Variants in LRP1B observed in about 807,000 individuals in gnomAD.
The protein encoded by LRP1B is LDL receptor related protein 1B.
Under a neutral mutation model 556.6 loss-of-function variants are expected in LRP1B, and 217 were observed. That is an observed-to-expected ratio of 0.39 (90% CI 0.35 to 0.44). The LOEUF is 0.44. Ranked by LOEUF, LRP1B falls within the 20% of genes least tolerant of loss-of-function variation. The probability of loss-of-function intolerance (pLI) is 1.00; values close to 1 mark genes in which losing one functional copy is unlikely to be tolerated. For synonymous variants in LRP1B, 2,047 were observed against 1,865.8 expected (o/e 1.10, Z -2.50); for missense variants, 5,053 against 5,620.8 (o/e 0.90, Z 3.23).
In LRP1B at chr2:140,541,039, G is replaced by C. The variant is rs2105016983; in HGVS notation, c.7447C>G (p.Pro2483Ala). ...GGCHDLCLLTPNGRVNCSCRG... is the reference protein window; with the variant it reads ...GGCHDLCLLTANGRVNCSCRG... ...CAGGAACAATTCACTCTCCCATTGGGAGTTAAAAGGCACAAGTCATGGCAG... is the reference window on the plus strand; with the variant it reads ...CAGGAACAATTCACTCTCCCATTGGCAGTTAAAAGGCACAAGTCATGGCAG... The change falls in exon 45 of 91, where the codon CCC (proline) becomes GCC (alanine). Residue 2483 changes from proline (P) to alanine (A), a missense_variant. Pro to Ala is a conservative substitution (Grantham distance 27). Coordinates refer to ENST00000389484, the MANE Select transcript of LRP1B (RefSeq NM_018557.3). 1 of 1,611,660 alleles carries C rather than the reference G, an allele frequency of 6.2e-7. No homozygotes were observed. Among genetic ancestry groups the C allele is most frequent in the Non-Finnish European group, 8.5e-7 (1 of 1,178,364 alleles).
intron 2 of LRP1B, among the ~76,000 whole-genome samples, chr2:141,525,222 T>C (rs1684656987): frequency 6.6e-6 from 1 of 152,038 alleles, no homozygotes; most frequent in South Asian, 2.1e-4. Context: ...GAGAGAAAGA[T>C]ATGGAAGTCT....
chr2:140,946,823 C>G (rs1594153), intron 20 of LRP1B, among the ~76,000 whole-genome samples: 1 of 151,980 alleles, frequency 6.6e-6, no homozygotes, highest in Non-Finnish European at 1.5e-5. Flanking sequence ...TACATGTATA[C>G]CATGGAATAC....
chr2:141,089,453 A>G (rs983671049), intron 7 of LRP1B, among the ~76,000 whole-genome samples: 1 of 152,222 alleles, frequency 6.6e-6, no homozygotes, highest in African/African-American at 2.4e-5. Flanking sequence ...ACTATTTTGG[A>G]TAGTATCTGA....
chr2:140,826,184 A>C (rs1246078651), intron 31 of LRP1B, among the ~76,000 whole-genome samples: 3 of 152,182 alleles, frequency 2.0e-5, no homozygotes, highest in Non-Finnish European at 4.4e-5. Context: ...AAAATTTTGC[A>C]ACAAATAACA....
At chr2:142,015,318 T>C (rs1356345316) in intron 1 of LRP1B, among the ~76,000 whole-genome samples, 4 of 152,176 alleles carry the variant, frequency 2.6e-5, no homozygotes, top group African/African-American at 7.2e-5. Flanking sequence ...TGGCTAGCGA[T>C]ATGCAGAAAA....
chr2:141,851,554 A>T (rs751518672), intron 1 of LRP1B, among the ~76,000 whole-genome samples: 3 of 151,878 alleles, frequency 2.0e-5, no homozygotes, highest in Non-Finnish European at 4.4e-5. Flanking sequence ...AAAATGCATT[A>T]GCAATGCAAA....
intron 41 of LRP1B, among the ~76,000 whole-genome samples, chr2:140,646,291 C>T (rs1684481580): frequency 6.6e-6 from 1 of 152,186 alleles, no homozygotes; most frequent in Admixed American, 6.5e-5. Context: ...CCATTAAAAA[C>T]CTGGCAGGTA....
chr2:140,235,205 C>A (rs1256570004), intron 89 of LRP1B, among the ~76,000 whole-genome samples: 1 of 151,226 alleles, frequency 6.6e-6, no homozygotes, highest in East Asian at 2.0e-4. Flanking sequence ...ATATTTATCT[C>A]TTTTAAACTC....
chr2:141,054,606 T>G (rs1365572343), intron 10 of LRP1B, among the ~76,000 whole-genome samples: 1 of 151,998 alleles, frequency 6.6e-6, no homozygotes, highest in East Asian at 1.9e-4. Context: ...ATAAAATCAT[T>G]AAATGTTTGA....
intron 1 of LRP1B, among the ~76,000 whole-genome samples, chr2:141,829,445 C>G (rs1429364546): frequency 6.6e-6 from 1 of 152,030 alleles, no homozygotes; most frequent in Non-Finnish European, 1.5e-5. Context: ...TGACAAGGGA[C>G]AAATTTGTGT....
chr2:141,388,413 G>A (rs922733482), intron 3 of LRP1B, among the ~76,000 whole-genome samples: 2 of 152,112 alleles, frequency 1.3e-5, no homozygotes, highest in Non-Finnish European at 2.9e-5. Context: ...TCAAGCCTGG[G>A]CGACAGTGCG....
intron 2 of LRP1B, among the ~76,000 whole-genome samples, chr2:141,553,501 A>G (rs1685830105): frequency 6.6e-6 from 1 of 151,544 alleles, no homozygotes; most frequent in African/African-American, 2.4e-5. Flanking sequence ...GTCAACAGGC[A>G]AACATCTGCA....
chr2:141,625,475 G>A (rs576006213), intron 2 of LRP1B, among the ~76,000 whole-genome samples: 4 of 152,108 alleles, frequency 2.6e-5, no homozygotes, highest in African/African-American at 9.6e-5. Flanking sequence ...TTTTTCTAAT[G>A]TTTCTAAACA....
chr2:141,481,046 G>T (rs777472377), intron 2 of LRP1B, among the ~76,000 whole-genome samples: 3 of 152,134 alleles, frequency 2.0e-5, no homozygotes, highest in Non-Finnish European at 2.9e-5. Context: ...AGAACATTTA[G>T]TTATAAATGT....
At chr2:140,282,337 C>T (rs1169481273) in intron 84 of LRP1B, among the ~76,000 whole-genome samples, 4 of 151,744 alleles carry the variant, frequency 2.6e-5, no homozygotes, top group Non-Finnish European at 4.4e-5. Flanking sequence ...GATGGTGTTA[C>T]CCTCTTTTTA....
At position 140,557,955 on chromosome 2, in the gene LRP1B, C is replaced by T. The variant is rs749724167; in HGVS notation, c.7195-15984G>A. Among the ~76,000 whole-genome samples the T allele has an allele frequency of 3.6e-4, 55 of 152,200 alleles. 1 individual carries two copies. Among genetic ancestry groups the T allele is most frequent in the Admixed American group, 1.0e-3 (16 of 15,272 alleles). On this transcript the variant is annotated intron_variant, in intron 43 of 90. Coordinates refer to ENST00000389484, the MANE Select transcript of LRP1B (RefSeq NM_018557.3). ...CTTTCTGTGCAGTTCAGTGACGAAG[C>T]CTAAGCTCCAAAGAATATCACCTGA...
At chr2:141,839,703 C>T (rs1574415699) in intron 1 of LRP1B, among the ~76,000 whole-genome samples, 1 of 152,130 alleles carries the variant, frequency 6.6e-6, no homozygotes, top group Admixed American at 6.5e-5. Context: ...CTATCTGATA[C>T]TGCTGAAAGA....
chr2:141,397,564 A>G (rs1004878694), intron 3 of LRP1B, among the ~76,000 whole-genome samples: 6 of 152,126 alleles, frequency 3.9e-5, no homozygotes, highest in Non-Finnish European at 8.8e-5. Context: ...ACTTAATAGG[A>G]CAATTTGAGA....
chr2:140,390,267 G>A (rs1239425851), intron 66 of LRP1B, among the ~76,000 whole-genome samples: 2 of 152,116 alleles, frequency 1.3e-5, no homozygotes, highest in East Asian at 3.9e-4. Context: ...GTAATCAAGA[G>A]AATGTACTAT....
Sources: allele counts gnomAD v4.1 joint callset (sites outside exome capture counted in the v4.1 genomes callset), GRCh38; gene constraint gnomAD v4.1.1; transcripts MANE v1.5; gene names NCBI Gene and HGNC (gene_info 2026-07-23, HGNC 2026-07-21).